FNIP2: variants seen among roughly 807,000 people sequenced by gnomAD.
The protein encoded by FNIP2 is folliculin-interacting protein 2.
FNIP2 carries 32 observed loss-of-function variants against 108.7 expected under a neutral mutation model. The observed-to-expected ratio is 0.29, with a 90% CI of 0.22 to 0.40. The LOEUF is 0.40. Among genes scored for constraint, FNIP2 ranks in the 10% least tolerant of loss-of-function variants. The probability of loss-of-function intolerance (pLI) is 1.00; values close to 1 mark genes in which losing one functional copy is unlikely to be tolerated. For synonymous variants in FNIP2, 480 were observed against 496.7 expected, an observed-to-expected ratio of 0.97 and a Z score of 0.45; for missense variants, 1,202 against 1,381.6, an observed-to-expected ratio of 0.87 and a Z score of 2.06.
chr4:158,856,134 C>T (rs2126665550), intron 8 of FNIP2, among the ~76,000 whole-genome samples: 1 of 152,272 alleles, frequency 6.6e-6, no homozygotes, highest in Non-Finnish European at 1.5e-5. Context: ...TCAAGGATTC[C>T]ATCACTTACC....
chr4:158,790,565 A>T (rs1776378444), intron 1 of FNIP2, among the ~76,000 whole-genome samples: 1 of 151,898 alleles, frequency 6.6e-6, no homozygotes, highest in South Asian at 2.1e-4. Flanking sequence ...CAGCCACGTA[A>T]TGAGATTCCA....
At chr4:158,893,596 G>T in intron 15 of FNIP2, 1 of 1,003,980 alleles carries the variant, frequency 1.0e-6, no homozygotes, top group East Asian at 2.6e-5. Context: ...CATCTGTCCT[G>T]GGGCAATATG....
intron 7 of FNIP2, among the ~76,000 whole-genome samples, chr4:158,848,522 T>C (rs1003215831): frequency 1.4e-4 from 21 of 152,120 alleles, no homozygotes; most frequent in African/African-American, 5.1e-4. Flanking sequence ...CAAGCCCAGA[T>C]TGTGAAGACT....
At chr4:158,779,216 A>T (rs555777338) in intron 1 of FNIP2, among the ~76,000 whole-genome samples, 1 of 152,230 alleles carries the variant, frequency 6.6e-6, no homozygotes, top group South Asian at 2.1e-4. Context: ...ACTTTTGTGC[A>T]TGAAAATGTT....
chr4:158,825,399 A>G (rs1778098336), intron 1 of FNIP2, among the ~76,000 whole-genome samples: 1 of 152,240 alleles, frequency 6.6e-6, no homozygotes. Flanking sequence ...AGAGCTAGCC[A>G]TAATCGGGGA....
chr4:158,896,205 G>A (rs189985634), intron 16 of FNIP2, among the ~76,000 whole-genome samples: 31 of 152,308 alleles, frequency 2.0e-4, no homozygotes, highest in Admixed American at 7.8e-4. Context: ...TGTGGGACAT[G>A]CAGCAGCAGC....
chr4:158,780,370 T>C (rs1776002447), intron 1 of FNIP2, among the ~76,000 whole-genome samples: 1 of 152,208 alleles, frequency 6.6e-6, no homozygotes, highest in African/African-American at 2.4e-5. Flanking sequence ...TTAGAATGCT[T>C]TTAGAATAGC....
intron 8 of FNIP2, among the ~76,000 whole-genome samples, chr4:158,853,299 A>C (rs1372498598): frequency 1.3e-5 from 2 of 152,158 alleles, no homozygotes; most frequent in African/African-American, 4.8e-5. Flanking sequence ...ATTTTTGATA[A>C]TTTTTTACTT....
At position 158,906,054 on chromosome 4, in the gene FNIP2, T is replaced by C. The variant is rs1729815899; in HGVS notation, c.*1510T>C. ...TTCCCTTTTTTAATGATGCAAAATG[T>C]AGATGAGTGCATTAAGTTTTGTAAG... On this transcript the variant is annotated 3_prime_UTR_variant, in exon 17 of 17. Transcript: ENST00000264433. 1 of 152,266 alleles carries C rather than the reference T, an allele frequency of 6.6e-6. No homozygotes were observed. The highest frequency in any genetic ancestry group is 2.1e-4 in the South Asian group (1 of 4,830). The allele number at this position is 152,266 out of a possible 1,614,324, so 9.4% of individuals were successfully genotyped here. A position where few individuals can be genotyped will look rare whatever the true frequency, so the allele number is the denominator to read the frequency against.
At chr4:158,828,852 A>G (rs1054128915) in intron 2 of FNIP2, among the ~76,000 whole-genome samples, 13 of 152,232 alleles carry the variant, frequency 8.5e-5, no homozygotes, top group Non-Finnish European at 1.8e-4. Context: ...TTATTAAAAG[A>G]GGATAAAGTC....
intron 16 of FNIP2, among the ~76,000 whole-genome samples, chr4:158,900,114 T>C (rs1324445416): frequency 6.6e-6 from 1 of 152,270 alleles, no homozygotes. Context: ...CCAGTAGTCA[T>C]TCAGGAGCAG....
chr4:158,800,400 G>A (rs977784441), intron 1 of FNIP2, among the ~76,000 whole-genome samples: 4 of 152,134 alleles, frequency 2.6e-5, no homozygotes, highest in Non-Finnish European at 5.9e-5. Flanking sequence ...TAGCAATTAT[G>A]TTGAAGGAAA....
intron 1 of FNIP2, among the ~76,000 whole-genome samples, chr4:158,791,420 A>G (rs1393110619): frequency 1.3e-5 from 2 of 151,802 alleles, no homozygotes; most frequent in Non-Finnish European, 2.9e-5. Context: ...AGTAGCTGGG[A>G]TTACAGGCAC....
intron 10 of FNIP2, among the ~76,000 whole-genome samples, chr4:158,860,312 A>G (rs1780207485): frequency 6.6e-6 from 1 of 152,200 alleles, no homozygotes; most frequent in South Asian, 2.1e-4. Flanking sequence ...CCATAGAGGA[A>G]GGATAAAAAA....
At chr4:158,809,594 T>C (rs912710712) in intron 1 of FNIP2, among the ~76,000 whole-genome samples, 2 of 152,246 alleles carry the variant, frequency 1.3e-5, no homozygotes, top group African/African-American at 4.8e-5. Flanking sequence ...TTTCAAACTT[T>C]CCCGGCAAAT....
intron 1 of FNIP2, chr4:158,806,095 C>G: frequency 1.9e-6 from 2 of 1,054,612 alleles, no homozygotes; most frequent in Middle Eastern, 4.5e-4. Context: ...TGTCAAGTAG[C>G]TTTTCTCACA....
intron 1 of FNIP2, among the ~76,000 whole-genome samples, chr4:158,802,222 A>G (rs754441085): frequency 6.6e-6 from 1 of 152,162 alleles, no homozygotes; most frequent in African/African-American, 2.4e-5. Flanking sequence ...TTCTTGTGCA[A>G]GGAGAAGGCA....
chr4:158,789,166 A>G (rs1052736837), intron 1 of FNIP2, among the ~76,000 whole-genome samples: 1 of 152,206 alleles, frequency 6.6e-6, no homozygotes, highest in Non-Finnish European at 1.5e-5. Context: ...TACAAGAGTG[A>G]TACTAGCGAA....
In FNIP2 at chr4:158,883,442, C is replaced by T. The variant is rs546114334; in HGVS notation, c.2950-8004C>T. ...ATTTTTAGTAGAGACGGGGTTTCACCGTGTTAGCCAGGATGGTCTCGATCT... is the reference window on the plus strand; with the variant it reads ...ATTTTTAGTAGAGACGGGGTTTCACTGTGTTAGCCAGGATGGTCTCGATCT... On this transcript the variant is annotated intron_variant, in intron 14 of 16. Transcript: ENST00000264433. 9.9e-5 allele frequency among the ~76,000 whole-genome samples: 15 copies of T among 152,188 alleles called. No homozygotes were observed. The East Asian group carries it at 2.3e-3, about 23-fold the overall frequency.
Sources: allele counts gnomAD v4.1 joint callset (sites outside exome capture counted in the v4.1 genomes callset), GRCh38; gene constraint gnomAD v4.1.1; transcripts MANE v1.5; gene names NCBI Gene and HGNC (gene_info 2026-07-23, HGNC 2026-07-21).